The following COL13A1 variants were observed in gnomAD, a reference collection of about 807,000 sequenced individuals.
COL13A1 encodes collagen alpha-1(XIII) chain.
A neutral mutation model predicts 130.9 loss-of-function variants in COL13A1; 89 were observed. The ratio of observed to expected loss-of-function variants is 0.68; its 90% CI spans 0.57 to 0.81. COL13A1 has a LOEUF of 0.81. Among genes scored for constraint, COL13A1 ranks in the 30% least tolerant of loss-of-function variants. The probability of loss-of-function intolerance (pLI) is 0.00; values close to 1 mark genes in which losing one functional copy is unlikely to be tolerated. For missense variants in COL13A1, 879 were observed against 934.6 expected (o/e 0.94, Z 0.78); for synonymous variants, 402 against 341.6 (o/e 1.18, Z -1.95).
intron 2 of COL13A1, among the ~76,000 whole-genome samples, chr10:69,849,970 T>C (rs923699827): frequency 2.6e-5 from 4 of 152,292 alleles, no homozygotes; most frequent in African/African-American, 9.6e-5. Context: ...TATTAGCCAC[T>C]GTTCCCATTA....
chr10:69,929,364 C>T (rs531438282), intron 28 of COL13A1, among the ~76,000 whole-genome samples: 79 of 152,088 alleles, frequency 5.2e-4, no homozygotes, highest in Non-Finnish European at 9.3e-4. Context: ...TCCTTTTACA[C>T]TCCACACACC....
chr10:69,839,404 CGG>C (rs201253160), intron 2 of COL13A1, among the ~76,000 whole-genome samples: 22,425 of 152,114 alleles, frequency 0.15, 1,684 homozygotes, highest in Non-Finnish European at 0.16. Context: ...ATTCCCCCCA[CGG>C]CCCACTTTAC....
At chr10:69,923,956 C>G in intron 24 of COL13A1, 101 bp downstream of exon 24, 2 of 1,476,788 alleles carry the variant, frequency 1.4e-6, no homozygotes, top group South Asian at 1.2e-5. Flanking sequence ...GGGCACAAGG[C>G]TGACCGGCCA....
chr10:69,952,909 G>A lies in COL13A1; in HGVS notation c.2086G>A (p.Gly696Arg). 1 of 1,554,986 alleles carries A rather than the reference G, an allele frequency of 6.4e-7. No homozygotes were observed. The highest frequency in any genetic ancestry group is 8.6e-7 in the Non-Finnish European group (1 of 1,159,288). The change falls in exon 39 of 41, where the codon GGG becomes AGG. Residue 696 changes from glycine (G) to arginine (R), a missense_variant. Gly to Arg is a moderately radical substitution (Grantham distance 125). Coordinates refer to ENST00000645393, the MANE Select transcript of COL13A1 (RefSeq NM_001368882.1). ...RGERGKKGSRGPKGDKGDQGA... is the reference protein window; with the variant it reads ...RGERGKKGSRRPKGDKGDQGA... ...GGAGAGGGGGAAGAAAGGCTCTAGA[G>A]GGCCTAAAGGGGATAAGGGAGACCA...
At position 69,841,432 on chromosome 10, in the gene COL13A1, C is replaced by T. The variant is rs143665317; in HGVS notation, c.364+18994C>T. 4.2e-3 allele frequency among the ~76,000 whole-genome samples: 642 copies of T among 152,262 alleles called. 2 individuals are homozygous for T. The highest frequency in any genetic ancestry group is 6.9e-3 in the Non-Finnish European group (468 of 68,016). ...CTCTGTGTCTTCCCAGCACCTGGCACGGAATAAATGCTCTTCAATAATCAT... is the reference window on the plus strand; with the variant it reads ...CTCTGTGTCTTCCCAGCACCTGGCATGGAATAAATGCTCTTCAATAATCAT... On this transcript the variant is annotated intron_variant, in intron 2 of 40. Coordinates refer to ENST00000645393, the MANE Select transcript of COL13A1 (RefSeq NM_001368882.1).
At chr10:69,889,791 G>A (rs1470888164) in intron 10 of COL13A1, among the ~76,000 whole-genome samples, 1 of 152,206 alleles carries the variant, frequency 6.6e-6, no homozygotes, top group Non-Finnish European at 1.5e-5. Flanking sequence ...ACTTTCTCTA[G>A]GAGACACCAT....
At chr10:69,923,692 G>A in intron 23 of COL13A1, 110 bp from the exon 24 acceptor site, 1 of 1,392,954 alleles carries the variant, frequency 7.2e-7, no homozygotes, top group South Asian at 1.3e-5. Flanking sequence ...ATCAGGGAAA[G>A]AGAAGTCCAA....
chr10:69,921,836 T>A (rs968982982), intron 21 of COL13A1, 46 bp from the exon 22 acceptor site: 1 of 1,578,646 alleles, frequency 6.3e-7, no homozygotes, highest in African/African-American at 1.4e-5. Flanking sequence ...CCAAACCTGC[T>A]GCAGAAACAG....
At chr10:69,866,020 C>T (rs1327187003) in intron 2 of COL13A1, among the ~76,000 whole-genome samples, 2 of 152,180 alleles carry the variant, frequency 1.3e-5, no homozygotes, top group South Asian at 2.1e-4. Flanking sequence ...TGCCTGGCAC[C>T]TAATAAGGAC....
In COL13A1 at chr10:69,956,211, T is replaced by G. The variant is rs1387694521; in HGVS notation, c.2146-793T>G. ...AGATTTCTAGATTCCCCATAGGGTA[T>G]GCCAGCAAGGAGAGGATATGAGGGC... On this transcript the variant is annotated intron_variant, in intron 39 of 40. Coordinates refer to ENST00000645393, the MANE Select transcript of COL13A1 (RefSeq NM_001368882.1). 11 of 152,226 alleles carry G rather than the reference T, an allele frequency of 7.2e-5. No homozygotes were observed. The East Asian group carries it at 2.1e-3, about 29-fold the overall frequency. The allele number at this position is 152,226 out of a possible 1,614,324, so 9.4% of individuals were successfully genotyped here. A position where few individuals can be genotyped will look rare whatever the true frequency, so the allele number is the denominator to read the frequency against.
intron 2 of COL13A1, 117 bp from the exon 3 acceptor site, chr10:69,867,681 G>A (rs946968701): frequency 1.5e-6 from 1 of 660,412 alleles, no homozygotes. Context: ...GACAAACTTC[G>A]AAGACCAGAT....
intron 36 of COL13A1, among the ~76,000 whole-genome samples, 186 bp downstream of exon 36, chr10:69,944,364 G>A (rs2068121699): frequency 2.0e-5 from 3 of 152,146 alleles, no homozygotes; most frequent in Admixed American, 6.5e-5. Flanking sequence ...AGGGATCAAG[G>A]AGATGGAGAG....
intron 38 of COL13A1, among the ~76,000 whole-genome samples, chr10:69,949,307 T>C (rs988341808): frequency 6.6e-6 from 1 of 152,174 alleles, no homozygotes; most frequent in Non-Finnish European, 1.5e-5. Flanking sequence ...CTCAGCCTCC[T>C]GAGTAGTTGG....
At chr10:69,860,055 T>C (rs1857532850) in intron 2 of COL13A1, among the ~76,000 whole-genome samples, 1 of 152,214 alleles carries the variant, frequency 6.6e-6, no homozygotes, top group South Asian at 2.1e-4. Flanking sequence ...CACCCACCTC[T>C]AAGCTGGACG....
chr10:69,932,326 G>C (rs117329810), intron 30 of COL13A1, among the ~76,000 whole-genome samples: 3,664 of 152,252 alleles, frequency 0.024, 60 homozygotes, highest in Non-Finnish European at 0.035. Flanking sequence ...ACAAGTCACA[G>C]GTCACCCTAA....
intron 10 of COL13A1, among the ~76,000 whole-genome samples, chr10:69,892,553 G>A (rs61856642): frequency 0.26 from 38,952 of 152,154 alleles, 6,241 homozygotes; most frequent in Non-Finnish European, 0.36. Context: ...ACCACCCACA[G>A]GGCTGTCGAG....
intron 2 of COL13A1, among the ~76,000 whole-genome samples, chr10:69,853,476 C>T (rs57990156): frequency 0.15 from 22,693 of 152,236 alleles, 1,844 homozygotes; most frequent in Middle Eastern, 0.34. Flanking sequence ...TCTAGGGAAG[C>T]ACGATGCTCT....
At position 69,824,262 on chromosome 10, in the gene COL13A1, T is replaced by G. The variant is rs142984662; in HGVS notation, c.364+1824T>G. ...GCATGATTATGATTATTTTCTCAACTGCCTCTCGCACTTCAAAGATGCAGA... is the reference window on the plus strand; with the variant it reads ...GCATGATTATGATTATTTTCTCAACGGCCTCTCGCACTTCAAAGATGCAGA... On this transcript the variant is annotated intron_variant, in intron 2 of 40. Transcript: ENST00000645393. 697 of 424,946 alleles carry G rather than the reference T, an allele frequency of 1.6e-3. 7 individuals carry two copies. The highest frequency in any genetic ancestry group is 0.016 in the Admixed American group (608 of 37,692). The allele number at this position is 424,946 out of a possible 1,614,324, so 26.3% of individuals were successfully genotyped here. A position where few individuals can be genotyped will look rare whatever the true frequency, so the allele number is the denominator to read the frequency against.
At chr10:69,811,744 A>G (rs1843097326) in intron 1 of COL13A1, among the ~76,000 whole-genome samples, 1 of 152,098 alleles carries the variant, frequency 6.6e-6, no homozygotes. Flanking sequence ...CCCTGGTAGG[A>G]CATCTCTGGC....
Sources: gnomAD v4.1 joint callset for allele counts (sites outside exome capture counted in the v4.1 genomes callset) on GRCh38, gnomAD v4.1.1 for gene constraint, MANE v1.5 for transcripts, NCBI Gene and HGNC (gene_info 2026-07-23, HGNC 2026-07-21) for gene names.